NFIB: variants seen among roughly 807,000 people sequenced by gnomAD.
The protein encoded by NFIB is nuclear factor I B, also known as nuclear factor 1 B-type.
Under a neutral mutation model 61.5 loss-of-function variants are expected in NFIB, and 11 were observed. The ratio of observed to expected loss-of-function variants is 0.18; its 90% CI spans 0.11 to 0.30. The LOEUF is 0.30. NFIB is among the 10% of genes least tolerant of loss of function. The pLI, the probability that NFIB is intolerant of heterozygous loss-of-function variation, is 1.00. For missense variants in NFIB, 471 were observed against 608.9 expected, an observed-to-expected ratio of 0.77 and a Z score of 2.38; for synonymous variants, 260 against 216.5, an observed-to-expected ratio of 1.20 and a Z score of -1.76.
chr9:14,272,001 C>T (rs1336514592), intron 2 of NFIB, among the ~76,000 whole-genome samples: 1 of 152,140 alleles, frequency 6.6e-6, no homozygotes, highest in Non-Finnish European at 1.5e-5. Context: ...CATTTCCTAA[C>T]CATGAGTGCA....
At chr9:14,471,297 T>C in the NFIB span, among the ~76,000 whole-genome samples, 1 of 152,176 alleles carries the variant, frequency 6.6e-6, no homozygotes, top group African/African-American at 2.4e-5. Context: ...GAATGGCTTC[T>C]AAATGGATTT....
At chr9:14,421,105 A>G in the NFIB span, among the ~76,000 whole-genome samples, 1 of 148,826 alleles carries the variant, frequency 6.7e-6, no homozygotes, top group Non-Finnish European at 1.5e-5. Context: ...AAAATAAGGC[A>G]TGTATACCAT....
intron 2 of NFIB, among the ~76,000 whole-genome samples, chr9:14,202,577 GAA>G (rs2049164075): frequency 6.6e-6 from 1 of 151,850 alleles, no homozygotes; most frequent in Non-Finnish European, 1.5e-5. Flanking sequence ...CCATCCTCAA[GAA>G]AAAACAAAAG....
At chr9:14,223,240 T>C (rs1025573788) in intron 2 of NFIB, among the ~76,000 whole-genome samples, 3 of 152,232 alleles carry the variant, frequency 2.0e-5, no homozygotes, top group African/African-American at 7.2e-5. Flanking sequence ...GAGCAGGGAC[T>C]TCCTGACAGA....
At chr9:14,161,108 A>G (rs2044153078) in intron 3 of NFIB, among the ~76,000 whole-genome samples, 2 of 152,172 alleles carry the variant, frequency 1.3e-5, no homozygotes, top group African/African-American at 2.4e-5. Flanking sequence ...GCCAATCTTC[A>G]TATAACTTCA....
At chr9:14,216,492 T>TTC (rs993666009) in intron 2 of NFIB, among the ~76,000 whole-genome samples, 20 of 110,814 alleles carry the variant, frequency 1.8e-4, no homozygotes, top group African/African-American at 6.6e-4. Context: ...TCTCCATTCT[T>TTC]TCTCTCTCTC....
intron 2 of NFIB, among the ~76,000 whole-genome samples, chr9:14,259,764 G>C (rs1267297786): frequency 6.6e-6 from 1 of 152,210 alleles, no homozygotes; most frequent in African/African-American, 2.4e-5. Flanking sequence ...AATTAGCCGG[G>C]CGTGGTGGCG....
At chr9:14,322,623 G>T (rs981955120) in intron 1 of NFIB, among the ~76,000 whole-genome samples, 1 of 152,060 alleles carries the variant, frequency 6.6e-6, no homozygotes, top group African/African-American at 2.4e-5. Context: ...CGCGGGAAGC[G>T]CGGCTCTTCG....
chr9:14,146,766 G>C lies in NFIB; in HGVS notation c.848C>G (p.Pro283Arg), dbSNP rs1168245629. 2 of 1,605,064 alleles carry C rather than the reference G, an allele frequency of 1.2e-6. No homozygotes were observed. Among genetic ancestry groups the C allele is most frequent in the East Asian group, 2.2e-5 (1 of 44,746 alleles). ...GGGGTAAAAGTCTCCTGTAGGACTT[G>C]GTTCCATATTTTCATCTATGGATAT... ...KTISIDENME[P>R]SPTGDFYPSP... is the part of the protein sequence containing the mutation. Residue 283 changes from proline (P) to arginine (R), a missense_variant, in exon 6 of 11, where the codon CCA becomes CGA. By Grantham distance (103) the Pro-to-Arg change is moderately radical (BLOSUM62 -2). Around this residue, in one of 2 missense-constraint regions of NFIB, gnomAD observed 372 missense variants for 395.6 expected, o/e 0.94. Transcript: ENST00000380953.
chr9:14,355,972 TAA>T (rs377112705), intron 1 of NFIB, among the ~76,000 whole-genome samples: 7,432 of 97,170 alleles, frequency 0.076, 222 homozygotes, highest in African/African-American at 0.11. Flanking sequence ...AACAAACAAA[TAA>T]AAAAAAAAAA....
Position 14,313,343 on chromosome 9 carries a change from C to A in NFIB, c.30+139G>T. 4 of 1,224,162 alleles carry A rather than the reference C, an allele frequency of 3.3e-6. No individual in the cohort carries two copies. The highest frequency in any genetic ancestry group is 4.4e-6 in the Non-Finnish European group (4 of 902,520). 75.8% of individuals were successfully genotyped at this position (1,224,162 alleles called of 1,614,324 possible). ...CCGGCTCCCACGCCGCCCCGCGACG[C>A]CCGCTGCAACTCCGGGCCACTTCTC... is the stretch of plus-strand genomic sequence containing the variant. On this transcript the variant is annotated intron_variant, in intron 1 of 10. Coordinates refer to ENST00000380953, the MANE Select transcript of NFIB (RefSeq NM_001190737.2). This position sits in a 1 kb window ranked among gnomAD's most constrained non-coding sequence, Gnocchi z 4.5.
chr9:14,518,463 C>G, the NFIB span, among the ~76,000 whole-genome samples: 2 of 150,792 alleles, frequency 1.3e-5, no homozygotes, highest in African/African-American at 4.9e-5. Flanking sequence ...GAACTAACAG[C>G]CCAGGATCCC....
chr9:14,463,289 A>T, the NFIB span, among the ~76,000 whole-genome samples: 1 of 152,012 alleles, frequency 6.6e-6, no homozygotes, highest in African/African-American at 2.4e-5. Flanking sequence ...CTTTATGGGC[A>T]TAATTACTAA....
At chr9:14,258,692 T>C (rs184894672) in intron 2 of NFIB, among the ~76,000 whole-genome samples, 44 of 152,254 alleles carry the variant, frequency 2.9e-4, no homozygotes, top group Non-Finnish European at 5.6e-4. Flanking sequence ...TACTTTTCCA[T>C]TATACCCCAT....
chr9:14,396,124 C>G (rs2061684107), intron 1 of NFIB, among the ~76,000 whole-genome samples: 1 of 152,046 alleles, frequency 6.6e-6, no homozygotes. Context: ...AATAATAGCT[C>G]TCGCAAAGCA....
At chr9:14,225,711 T>A (rs2052313578) in intron 2 of NFIB, among the ~76,000 whole-genome samples, 1 of 152,054 alleles carries the variant, frequency 6.6e-6, no homozygotes. Context: ...TAAAGGGAGA[T>A]TTGACTCTAT....
the NFIB span, among the ~76,000 whole-genome samples, chr9:14,480,320 A>G: frequency 4.6e-5 from 7 of 152,154 alleles, no homozygotes; most frequent in Non-Finnish European, 7.3e-5. Context: ...TAGCTGTACC[A>G]TGCTGCTTCT....
chr9:14,284,559 T>C (rs977283060), intron 2 of NFIB, among the ~76,000 whole-genome samples: 2 of 152,210 alleles, frequency 1.3e-5, no homozygotes, highest in Non-Finnish European at 2.9e-5. Context: ...GAATTAAAAA[T>C]GGACTCTGTT....
chr9:14,254,508 C>T (rs943190678), intron 2 of NFIB, among the ~76,000 whole-genome samples: 5 of 152,064 alleles, frequency 3.3e-5, no homozygotes, highest in Admixed American at 6.5e-5. Context: ...CATGGAGACA[C>T]GCATCTTCAG....
Sources: gnomAD v4.1 joint callset for allele counts (sites outside exome capture counted in the v4.1 genomes callset) on GRCh38, gnomAD v4.1.1 for gene constraint, gnomAD v4.1.1 regional missense constraint, Gnocchi (gnomAD v3.1) non-coding constraint, MANE v1.5 for transcripts, NCBI Gene and HGNC (gene_info 2026-07-23, HGNC 2026-07-21) for gene names.